Variants in MED23 observed in about 807,000 individuals in gnomAD.
MED23 encodes the protein mediator complex subunit 23.
A neutral mutation model predicts 163.9 loss-of-function variants in MED23; 105 were observed. The observed-to-expected ratio is 0.64, with a 90% CI of 0.55 to 0.75. The LOEUF is 0.75. Ranked by LOEUF, MED23 falls within the 30% of genes least tolerant of loss-of-function variation. The pLI is 0.00. For synonymous variants in MED23, 561 were observed against 565.6 expected (o/e 0.99, Z 0.12); for missense variants, 1,054 against 1,649.0 (o/e 0.64, Z 6.25).
At position 131,594,136 on chromosome 6, in the gene MED23, G is replaced by A; in HGVS notation, c.3195C>T (p.Asp1065=). 1 of 1,614,132 alleles carries A rather than the reference G, an allele frequency of 6.2e-7. No homozygotes were observed. Among genetic ancestry groups the A allele is most frequent in the Non-Finnish European group, 8.5e-7 (1 of 1,180,006 alleles). Reference sequence around the variant, plus strand: ...TGCCAATCAATCTGCAATAGTAGGTGTCATCTGGAACCCAAGGATTTTCCT... The same window carrying A: ...TGCCAATCAATCTGCAATAGTAGGTATCATCTGGAACCCAAGGATTTTCCT... ...AREENPWVPD[D]TYYCRLIGRL... Residue 1065 remains aspartate, a synonymous_variant, in exon 23 of 29, where the codon GAC becomes GAT. Transcript: ENST00000368068.
intron 30 of MED23, chr6:131,574,388 C>A: frequency 7.0e-7 from 1 of 1,437,166 alleles, no homozygotes; most frequent in Non-Finnish European, 9.8e-7. Context: ...GGAAATCCTC[C>A]AAAAGTCTCT....
intron 4 of MED23, among the ~76,000 whole-genome samples, chr6:131,623,788 T>G (rs1347590319): frequency 6.6e-6 from 1 of 152,156 alleles, no homozygotes; most frequent in Non-Finnish European, 1.5e-5. Flanking sequence ...TCCCTAGCCA[T>G]GCCAAACTGT....
At chr6:131,582,479 T>C (rs113295138), downstream of MED23, 136 of 704,134 alleles carry the variant, frequency 1.9e-4, 2 homozygotes, top group African/African-American at 2.1e-3. Context: ...CTCTTCTTAA[T>C]TGTGTATTAT....
intron 6 of MED23, 75 bp downstream of exon 6, chr6:131,621,806 A>G (rs1777126198): frequency 1.1e-6 from 1 of 903,564 alleles, no homozygotes; most frequent in Middle Eastern, 2.3e-4. Flanking sequence ...TACCGTAAGT[A>G]TTAAAAGCAC....
chr6:131,615,069 A>G (rs1776568997), intron 10 of MED23, among the ~76,000 whole-genome samples: 1 of 131,252 alleles, frequency 7.6e-6, no homozygotes, highest in Non-Finnish European at 1.5e-5. Context: ...TTGTTACCAA[A>G]AAAAAAAAAA....
At chr6:131,619,704 T>C in intron 8 of MED23, 123 bp downstream of exon 8, 1 of 743,116 alleles carries the variant, frequency 1.3e-6, no homozygotes, top group South Asian at 1.5e-5. Context: ...ATTAAGCTCT[T>C]AGAGAGTCAC....
chr6:131,592,912 T>A, intron 24 of MED23, 94 bp downstream of exon 24: 1 of 1,443,356 alleles, frequency 6.9e-7, no homozygotes, highest in Non-Finnish European at 9.7e-7. Flanking sequence ...TGCATCAGCC[T>A]TGCGGCAACA....
rs945296550 is a variant in MED23 at position 131,620,813 on chromosome 6, T to C, written c.496-84A>G. 3.7e-6 allele frequency: 3 copies of C among 812,840 alleles called. No individual in the cohort carries two copies. In the Admixed American group the frequency reaches 8.4e-5, roughly 23 times the overall value. The allele number at this position is 812,840 out of a possible 1,614,324, so 50.4% of individuals were successfully genotyped here. On this transcript the variant is annotated intron_variant, in intron 6 of 28. Coordinates refer to ENST00000368068, the MANE Select transcript of MED23 (RefSeq NM_004830.4). ...TTTATTTATTATCATTATTTTTTTT[T>C]TTTTTTGAGACAGGGTCTTGCTCTG...
At chr6:131,624,369 T>G (rs564617962) in intron 4 of MED23, among the ~76,000 whole-genome samples, 1 of 152,190 alleles carries the variant, frequency 6.6e-6, no homozygotes, top group Non-Finnish European at 1.5e-5. Context: ...GGTGAGGGCC[T>G]GCGGAGGTTC....
downstream of MED23, among the ~76,000 whole-genome samples, chr6:131,585,177 T>C (rs1244150374): frequency 1.3e-5 from 2 of 152,098 alleles, no homozygotes; most frequent in African/African-American, 2.4e-5. Context: ...ATTAGCTATA[T>C]CCTAAAAACT....
At chr6:131,621,594 TTACAAAG>T (rs1472316270) in intron 6 of MED23, among the ~76,000 whole-genome samples, 1 of 152,206 alleles carries the variant, frequency 6.6e-6, no homozygotes, top group Admixed American at 6.5e-5. Flanking sequence ...GCGATACTAG[TTACAAAG>T]TACAAAGATC....
chr6:131,596,321 C>T, intron 21 of MED23, 158 bp from the exon 22 acceptor site: 1 of 847,106 alleles, frequency 1.2e-6, no homozygotes, highest in Non-Finnish European at 1.9e-6. Context: ...GTCCTTATGT[C>T]CACTAAAACT....
intron 3 of MED23, 123 bp downstream of exon 3, chr6:131,627,273 T>A: frequency 1.3e-6 from 1 of 766,442 alleles, no homozygotes. Context: ...TGATAACAAT[T>A]TTATTTCTCC....
chr6:131,619,870 A>G lies in MED23; in HGVS notation c.624T>C (p.Phe208=), dbSNP rs575037964. 87 of 1,612,040 alleles carry G rather than the reference A, an allele frequency of 5.4e-5. No individual in the cohort carries two copies. The East Asian group carries it at 1.9e-3, about 35-fold the overall frequency. The change falls in exon 8 of 29, where the codon TTT becomes TTC. Residue 208 remains phenylalanine (F), a synonymous_variant. Transcript: ENST00000368068. ...HWLLGNLVSD[F]VDTFRPTARI... ...TTGCTGTGGGCCTGAAGGTATCCAC[A>G]AAGTCTGATACTAGGTTTCCAAGTA...
chr6:131,586,982 TCAAC>T lies in MED23; in HGVS notation c.*693_*696del. On this transcript the variant is annotated 3_prime_UTR_variant, in exon 29 of 29. Coordinates refer to ENST00000368068, the MANE Select transcript of MED23 (RefSeq NM_004830.4). ...ATTTTTAAAAAAAGAAATTGGAGAA[TCAAC>T]CATTTAAGCATGATTTTAAGTTCAA... 1 of 1,491,908 alleles carries T rather than the reference TCAAC, an allele frequency of 6.7e-7. No homozygotes were observed. The highest frequency in any genetic ancestry group is 1.4e-5 in the South Asian group (1 of 71,906). The allele number at this position is 1,491,908 out of a possible 1,614,324, so 92.4% of individuals were successfully genotyped here.
At chr6:131,621,858 A>T (rs1320181023) in intron 6 of MED23, 23 bp downstream of exon 6, 1 of 1,549,424 alleles carries the variant, frequency 6.5e-7, no homozygotes, top group South Asian at 1.2e-5. Context: ...TATGATCACG[A>T]ATTTCAGACA....
intron 23 of MED23, 30 bp downstream of exon 23, chr6:131,594,069 G>T: frequency 1.3e-6 from 2 of 1,499,196 alleles, no homozygotes; most frequent in Non-Finnish European, 9.3e-7. Flanking sequence ...TGTTATTTCT[G>T]GGAGTCTAAA....
At chr6:131,599,153 G>A (rs1003499698) in intron 18 of MED23, among the ~76,000 whole-genome samples, 1 of 152,176 alleles carries the variant, frequency 6.6e-6, no homozygotes, top group African/African-American at 2.4e-5. Context: ...CAACACCAGC[G>A]GTATCAGCAT....
At chr6:131,599,922 T>A in intron 18 of MED23, 116 bp downstream of exon 18, 1 of 1,292,180 alleles carries the variant, frequency 7.7e-7, no homozygotes. Context: ...AAATATTTTT[T>A]AAAATAAATA....
Sources: allele counts gnomAD v4.1 joint callset (sites outside exome capture counted in the v4.1 genomes callset), GRCh38; gene constraint gnomAD v4.1.1; transcripts MANE v1.5; gene names NCBI Gene and HGNC (gene_info 2026-07-23, HGNC 2026-07-21).